Variants in GDAP1 observed in about 807,000 individuals in gnomAD.
GDAP1 encodes ganglioside-induced differentiation-associated protein 1.
In GDAP1, 34 loss-of-function variants were observed where a neutral mutation model predicts 40.1. The ratio of observed to expected loss-of-function variants is 0.85; its 90% CI spans 0.64 to 1.13. GDAP1 has a LOEUF of 1.13. Ranked by LOEUF, GDAP1 falls within the 50% of genes most tolerant of loss-of-function variation. The pLI, the probability that GDAP1 is intolerant of heterozygous loss-of-function variation, is 0.00. For synonymous variants in GDAP1, 170 were observed against 157.4 expected (o/e 1.08, Z -0.60); for missense variants, 374 against 433.7 (o/e 0.86, Z 1.22).
intron 2 of GDAP1, among the ~76,000 whole-genome samples, chr8:74,411,693 G>A (rs1427448040): frequency 7.0e-6 from 1 of 143,532 alleles, no homozygotes; most frequent in Non-Finnish European, 1.5e-5. Flanking sequence ...ACCAGCCTGG[G>A]TAACATAGTG....
chr8:74,356,705 T>C (rs1229271345), intron 2 of GDAP1, among the ~76,000 whole-genome samples: 1 of 84,344 alleles, frequency 1.2e-5, no homozygotes, highest in Non-Finnish European at 2.5e-5. Flanking sequence ...TGTGTGTGTA[T>C]ATATATATAT....
chr8:74,395,739 C>T (rs1251405081), intron 2 of GDAP1, among the ~76,000 whole-genome samples: 1 of 152,140 alleles, frequency 6.6e-6, no homozygotes, highest in Non-Finnish European at 1.5e-5. Context: ...TATTAAAACA[C>T]CTGTATCTGT....
intron 4 of GDAP1, 86 bp downstream of exon 4, chr8:74,362,064 T>C: frequency 2.5e-6 from 2 of 785,120 alleles, no homozygotes; most frequent in Non-Finnish European, 4.5e-6. Context: ...TTCTAGAATA[T>C]CTTCTTTTAA....
rs1805598011 is a variant in GDAP1, at chr8:74,403,744, C to G, written c.165+52423C>G. ...CACTTGATAGAACAGTGAGGATGAA[C>G]TGTAATCATTAGAAGCGTACTGCCT... On this transcript the variant is annotated intron_variant, in intron 2 of 2. Coordinates refer to the GDAP1 transcript ENST00000523640. Among the ~76,000 whole-genome samples the G allele has an allele frequency of 2.7e-5, 4 of 150,128 alleles. 1 individual carries two copies. Among genetic ancestry groups the G allele is most frequent in the Admixed American group, 1.3e-4 (2 of 15,240 alleles).
intron 2 of GDAP1, among the ~76,000 whole-genome samples, chr8:74,428,758 A>AG (rs1202562116): frequency 2.0e-5 from 3 of 148,650 alleles, no homozygotes; most frequent in African/African-American, 7.5e-5. Context: ...CTGAGATTAC[A>AG]GACATGAGCC....
chr8:74,393,642 G>A (rs997834877), intron 2 of GDAP1, among the ~76,000 whole-genome samples: 1 of 152,120 alleles, frequency 6.6e-6, no homozygotes, highest in Non-Finnish European at 1.5e-5. Flanking sequence ...GTCGACCTGG[G>A]AGAATAACAA....
chr8:74,420,702 A>G (rs952047146), intron 2 of GDAP1, among the ~76,000 whole-genome samples: 2 of 152,142 alleles, frequency 1.3e-5, no homozygotes, highest in African/African-American at 4.8e-5. Context: ...GATAAAGACA[A>G]CGAACATCAG....
rs554403413 is a variant in GDAP1, at chr8:74,485,907, T to C, written c.166-2771T>C. On this transcript the variant is annotated intron_variant, in intron 2 of 2. Coordinates refer to the GDAP1 transcript ENST00000523640. ...GAATGAGGAAACATGGCAACAGTGA[T>C]GATTTGGAAAACTGACCCAAAAGTG... Among the ~76,000 whole-genome samples the C allele has an allele frequency of 2.0e-5, 3 of 152,236 alleles. No individual in the cohort carries two copies. The South Asian group carries it at 6.2e-4, about 32-fold the overall frequency.
intron 2 of GDAP1, among the ~76,000 whole-genome samples, chr8:74,430,358 G>A (rs565774387): frequency 1.3e-5 from 2 of 152,298 alleles, no homozygotes; most frequent in East Asian, 3.9e-4. Flanking sequence ...GATATCTACT[G>A]GAGTAGCATA....
chr8:74,478,862 G>C (rs150104316), intron 2 of GDAP1, among the ~76,000 whole-genome samples: 11 of 152,314 alleles, frequency 7.2e-5, no homozygotes, highest in African/African-American at 2.6e-4. Flanking sequence ...GCTCTTGCCA[G>C]TTCAACTCAC....
intron 2 of GDAP1, among the ~76,000 whole-genome samples, chr8:74,428,503 T>G (rs1021582964): frequency 6.6e-6 from 1 of 151,108 alleles, no homozygotes; most frequent in Admixed American, 6.6e-5. Context: ...GGAGTCTTGC[T>G]CTGTTGCCCA....
At chr8:74,443,349 A>G (rs1806185047) in intron 2 of GDAP1, among the ~76,000 whole-genome samples, 1 of 152,182 alleles carries the variant, frequency 6.6e-6, no homozygotes, top group Admixed American at 6.6e-5. Flanking sequence ...AGGAACTGTC[A>G]TTTCTTGAAA....
chr8:74,414,543 C>A (rs1805755325), intron 2 of GDAP1, among the ~76,000 whole-genome samples: 1 of 148,692 alleles, frequency 6.7e-6, no homozygotes, highest in African/African-American at 2.6e-5. Context: ...AGCTCCATAG[C>A]AGAATGGAAA....
chr8:74,363,931 A>G (rs1809491832), intron 5 of GDAP1, 54 bp from the exon 6 acceptor site: 1 of 1,494,008 alleles, frequency 6.7e-7, no homozygotes, highest in South Asian at 1.1e-5. Context: ...TACCAGCTGG[A>G]GTCTGTCTGT....
intron 2 of GDAP1, among the ~76,000 whole-genome samples, chr8:74,399,106 A>G (rs1375346082): frequency 6.6e-6 from 1 of 152,084 alleles, no homozygotes; most frequent in East Asian, 1.9e-4. Flanking sequence ...ATTGATTGGA[A>G]TAGTTTCAGA....
chr8:74,451,029 TG>T lies in GDAP1; in HGVS notation c.166-37648del, dbSNP rs1806293082. Reference sequence around the variant, plus strand: ...AATATTTTACTGACTTCATTTAAAATGTAAGACATTTTTAATGATATAGCTC... The same window carrying T: ...AATATTTTACTGACTTCATTTAAAATTAAGACATTTTTAATGATATAGCTC... On this transcript the variant is annotated intron_variant, in intron 2 of 2. Transcript: ENST00000523640. Among the ~76,000 whole-genome samples, 2 of 83,298 alleles carry T rather than the reference TG, an allele frequency of 2.4e-5. 1 individual carries two copies. Among genetic ancestry groups the T allele is most frequent in the Admixed American group, 2.5e-4 (2 of 8,146 alleles). 54.6% of individuals were successfully genotyped at this position (83,298 alleles called of 152,430 possible).
At chr8:74,372,710 A>G (rs7386156) in intron 2 of GDAP1, among the ~76,000 whole-genome samples, 152,276 of 152,282 alleles carry the variant, frequency 1, 76,135 homozygotes, top group Non-Finnish European at 1. Flanking sequence ...CTCCCTTTCT[A>G]TAGGTTGCCT....
intron 2 of GDAP1, among the ~76,000 whole-genome samples, chr8:74,466,341 G>A (rs1026379970): frequency 6.6e-5 from 10 of 152,166 alleles, no homozygotes; most frequent in Non-Finnish European, 1.3e-4. Flanking sequence ...TTAGGGAAAC[G>A]TGATCTGATT....
chr8:74,365,789 C>T lies in GDAP1; in HGVS notation c.*1422C>T, dbSNP rs2131525769. On this transcript the variant is annotated 3_prime_UTR_variant, in exon 6 of 6. Coordinates refer to ENST00000220822, the MANE Select transcript of GDAP1 (RefSeq NM_018972.4). ...TGATGAACTATATGTTCCCGATTTA[C>T]AAAAAAATTAATAAAACCTCCAGAG... 1 of 453,250 alleles carries T rather than the reference C, an allele frequency of 2.2e-6. No homozygotes were observed. Among genetic ancestry groups the T allele is most frequent in the East Asian group, 6.9e-5 (1 of 14,390 alleles). 28.1% of individuals were successfully genotyped at this position (453,250 alleles called of 1,614,324 possible). A position where few individuals can be genotyped will look rare whatever the true frequency, so the allele number is the denominator to read the frequency against.
Sources: allele counts gnomAD v4.1 joint callset (sites outside exome capture counted in the v4.1 genomes callset), GRCh38; gene constraint gnomAD v4.1.1; transcripts MANE v1.5; gene names NCBI Gene and HGNC (gene_info 2026-07-23, HGNC 2026-07-21).